CEP89: variants seen among roughly 807,000 people sequenced by gnomAD.
The protein encoded by CEP89 is centrosomal protein of 89 kDa.
In CEP89, 95 loss-of-function variants were observed where a neutral mutation model predicts 97.6. That is an observed-to-expected ratio of 0.97 (90% CI 0.82 to 1.15). The LOEUF (loss-of-function observed/expected upper bound fraction) is 1.15, where lower values mean the gene tolerates loss of function less well. CEP89 is among the 50% of genes most tolerant of loss of function. The pLI is 0.00. For missense variants in CEP89, 869 were observed against 947.7 expected (o/e 0.92, Z 1.09); for synonymous variants, 354 against 349.1 (o/e 1.01, Z -0.16).
chr19:32,927,676 C>G (rs1970389958), intron 9 of CEP89, among the ~76,000 whole-genome samples: 1 of 152,020 alleles, frequency 6.6e-6, no homozygotes, highest in South Asian at 2.1e-4. Context: ...GAGATCATGG[C>G]TCACTGCAAC....
At chr19:32,917,371 C>T (rs1970148914) in intron 13 of CEP89, among the ~76,000 whole-genome samples, 1 of 152,166 alleles carries the variant, frequency 6.6e-6, no homozygotes, top group African/African-American at 2.4e-5. Flanking sequence ...TTAAACACGA[C>T]CTGGTTCTCA....
chr19:32,939,676 CAA>C (rs34993676), intron 6 of CEP89, among the ~76,000 whole-genome samples, 179 bp downstream of exon 6: 78 of 119,608 alleles, frequency 6.5e-4, no homozygotes, highest in African/African-American at 6.0e-4. Flanking sequence ...ACCCCCTTCT[CAA>C]AAAAAAAAAA....
chr19:32,937,256 G>A (rs1970598258), intron 7 of CEP89: 1 of 285,850 alleles, frequency 3.5e-6, no homozygotes, highest in Non-Finnish European at 6.6e-6. Context: ...AACTGCACCT[G>A]CCTTCCCAGT....
chr19:32,904,434 A>G (rs1969847147), intron 14 of CEP89, among the ~76,000 whole-genome samples: 2 of 152,306 alleles, frequency 1.3e-5, no homozygotes, highest in South Asian at 2.1e-4. Flanking sequence ...GAAATCATGT[A>G]ATCAATAAAG....
intron 9 of CEP89, among the ~76,000 whole-genome samples, chr19:32,927,903 C>CTTTTTTTTTTTT (rs60706354): frequency 8.6e-6 from 1 of 116,348 alleles, no homozygotes; most frequent in Non-Finnish European, 1.7e-5. Flanking sequence ...GCACACTTGG[C>CTTTTTTTTTTTT]TTTTTTTTTT....
At chr19:32,952,093 A>G (rs1364563715) in intron 4 of CEP89, among the ~76,000 whole-genome samples, 2 of 152,148 alleles carry the variant, frequency 1.3e-5, no homozygotes, top group Admixed American at 6.6e-5. Flanking sequence ...GCCTAATTCT[A>G]TGTGTGAAAG....
At chr19:32,912,262 T>C (rs191058427) in intron 14 of CEP89, among the ~76,000 whole-genome samples, 235 of 152,250 alleles carry the variant, frequency 1.5e-3, no homozygotes, top group African/African-American at 5.6e-3. Context: ...GTTAATTTTA[T>C]GTGTCACCTT....
At position 32,899,877 on chromosome 19, in the gene CEP89, G is replaced by A. The variant is rs773793137; in HGVS notation, c.1855C>T (p.Arg619Cys). Residue 619 changes from arginine to cysteine, a missense_variant, in exon 16 of 19, where the codon CGT becomes TGT. Physicochemically the swap from Arg to Cys is radical, Grantham distance 180. Coordinates refer to ENST00000305768, the MANE Select transcript of CEP89 (RefSeq NM_032816.5). ...VGLAENITQE[R>C]DSLMCLAKCL... ...CTTACCAAACACATAAGACTGTCAC[G>A]TTCCTGGGTTATGTTTTCTGCCAGG... The A allele has an allele frequency of 7.4e-6, 12 of 1,613,676 alleles. No individual in the cohort carries two copies. Among genetic ancestry groups the A allele is most frequent in the East Asian group, 4.5e-5 (2 of 44,880 alleles).
chr19:32,889,897 G>A (rs1482090172), intron 16 of CEP89, among the ~76,000 whole-genome samples: 2 of 152,116 alleles, frequency 1.3e-5, no homozygotes, highest in Admixed American at 1.3e-4. Context: ...AGCAGCAGAA[G>A]GGAAAATGGG....
chr19:32,887,215 T>G (rs1471574556), intron 17 of CEP89, among the ~76,000 whole-genome samples: 2 of 151,166 alleles, frequency 1.3e-5, no homozygotes, highest in Non-Finnish European at 1.5e-5. Context: ...TTTTGTTTTG[T>G]TTTGGTTTTG....
At chr19:32,962,911 T>A (rs950740667) in intron 2 of CEP89, among the ~76,000 whole-genome samples, 1 of 152,266 alleles carries the variant, frequency 6.6e-6, no homozygotes, top group South Asian at 2.1e-4. Context: ...CCCAAGATGG[T>A]TCTTAGATCT....
At chr19:32,898,613 G>A (rs1241509931) in intron 16 of CEP89, among the ~76,000 whole-genome samples, 2 of 152,158 alleles carry the variant, frequency 1.3e-5, no homozygotes, top group Admixed American at 1.3e-4. Flanking sequence ...TGGGTGTGGT[G>A]GCTCACACCT....
chr19:32,902,006 C>CTGTGTGTGTGTGTGTGTGTG (rs1287486651), intron 14 of CEP89, among the ~76,000 whole-genome samples: 46 of 98,760 alleles, frequency 4.7e-4, no homozygotes, highest in East Asian at 1.9e-3. Context: ...GTCTCTCTCT[C>CTGTGTGTGTGTGTGTGTGTG]TCTCTGTGTG....
intron 16 of CEP89, among the ~76,000 whole-genome samples, chr19:32,892,922 G>C (rs1002746865): frequency 2.6e-5 from 4 of 152,052 alleles, no homozygotes; most frequent in Non-Finnish European, 4.4e-5. Context: ...AAATGAGGAA[G>C]AGAAGGAACT....
intron 14 of CEP89, 30 bp downstream of exon 14, chr19:32,915,300 GAAAAAAA>G (rs372853413): frequency 2.5e-6 from 3 of 1,221,810 alleles, no homozygotes; most frequent in Admixed American, 3.1e-5. Context: ...CTCGAAAAAA[GAAAAAAA>G]AAAAAAAAGA....
chr19:32,913,636 A>G (rs899042221), intron 14 of CEP89, among the ~76,000 whole-genome samples: 2 of 114,264 alleles, frequency 1.8e-5, no homozygotes, highest in African/African-American at 6.8e-5. Context: ...ACATACACAC[A>G]CACTTTTTTT....
At chr19:32,914,795 G>A (rs1970085149) in intron 14 of CEP89, among the ~76,000 whole-genome samples, 1 of 152,088 alleles carries the variant, frequency 6.6e-6, no homozygotes, top group Admixed American at 6.6e-5. Context: ...GTCAAGGCAG[G>A]CAGATCACTT....
In CEP89 at chr19:32,969,311, C is replaced by T. The variant is rs192432178; in HGVS notation, c.39+2525G>A. On this transcript the variant is annotated intron_variant, in intron 1 of 18. Transcript: ENST00000305768. ...AGCCCAGGGTTTTTATGGACCTCAG[C>T]GGGGAAGAAGTGTGTGCTGATTGGG... The T allele has an allele frequency of 4.1e-3, 632 of 152,438 alleles. 6 individuals are homozygous for T. The highest frequency in any genetic ancestry group is 5.7e-3 in the Non-Finnish European group (391 of 68,160). 9.4% of individuals were successfully genotyped at this position (152,438 alleles called of 1,614,324 possible).
At chr19:32,902,854 A>G (rs932858907) in intron 14 of CEP89, among the ~76,000 whole-genome samples, 1 of 152,244 alleles carries the variant, frequency 6.6e-6, no homozygotes, top group Non-Finnish European at 1.5e-5. Flanking sequence ...TACAAACAGT[A>G]GGCAGAACAA....
Sources: allele counts gnomAD v4.1 joint callset (sites outside exome capture counted in the v4.1 genomes callset), GRCh38; gene constraint gnomAD v4.1.1; transcripts MANE v1.5; gene names NCBI Gene and HGNC (gene_info 2026-07-23, HGNC 2026-07-21).